Variants in ROR1 observed in about 807,000 individuals in gnomAD.
ROR1 encodes the protein ROR family WNT receptor 1.
ROR1 carries 19 observed loss-of-function variants against 78.8 expected under a neutral mutation model. The ratio of observed to expected loss-of-function variants is 0.24; its 90% CI spans 0.17 to 0.35. ROR1 has a LOEUF of 0.35. ROR1 is among the 10% of genes least tolerant of loss of function. ROR1 has a pLI of 1.00. For missense variants in ROR1, 917 were observed against 1,177.8 expected (o/e 0.78, Z 3.24); for synonymous variants, 386 against 433.6 (o/e 0.89, Z 1.36).
chr1:64,151,156 T>C (rs79897472), intron 7 of ROR1, among the ~76,000 whole-genome samples: 2,167 of 152,282 alleles, frequency 0.014, 58 homozygotes, highest in African/African-American at 0.05. Flanking sequence ...GGAGAAACCA[T>C]TAAGGAAAGG....
chr1:64,000,696 T>C (rs1646375648), intron 1 of ROR1, among the ~76,000 whole-genome samples: 2 of 152,198 alleles, frequency 1.3e-5, no homozygotes, highest in Admixed American at 6.5e-5. Context: ...CTGAGTTATT[T>C]GCACTTCCTC....
intron 8 of ROR1, among the ~76,000 whole-genome samples, chr1:64,172,695 G>A (rs1167020775): frequency 6.6e-6 from 1 of 152,044 alleles, no homozygotes; most frequent in East Asian, 1.9e-4. Context: ...ACAAATACTT[G>A]TCAAACAAAA....
At chr1:64,043,188 C>G (rs1295263371) in intron 2 of ROR1, among the ~76,000 whole-genome samples, 3 of 152,200 alleles carry the variant, frequency 2.0e-5, no homozygotes, top group African/African-American at 4.8e-5. Flanking sequence ...GATGGGGGCA[C>G]TTTGAAAATT....
intron 4 of ROR1, chr1:64,106,242 A>G (rs1199971188): frequency 2.0e-5 from 3 of 152,160 alleles, no homozygotes; most frequent in Non-Finnish European, 4.4e-5. Flanking sequence ...GACTTCATTC[A>G]TGATTTGGCT....
intron 1 of ROR1, among the ~76,000 whole-genome samples, chr1:63,968,928 C>T (rs1244459062): frequency 1.3e-5 from 2 of 152,182 alleles, no homozygotes; most frequent in African/African-American, 4.8e-5. Flanking sequence ...AATTTAATTT[C>T]CCACTAAGTG....
chr1:64,122,336 T>C (rs1648571555), intron 4 of ROR1, among the ~76,000 whole-genome samples: 1 of 152,218 alleles, frequency 6.6e-6, no homozygotes, highest in Non-Finnish European at 1.5e-5. Flanking sequence ...CCTCTTGACT[T>C]CAGCTTTCTG....
chr1:64,052,538 C>T (rs1646841262), intron 4 of ROR1, among the ~76,000 whole-genome samples: 1 of 152,138 alleles, frequency 6.6e-6, no homozygotes, highest in African/African-American at 2.4e-5. Flanking sequence ...GTCTAGGTCT[C>T]TCGTGGTTTT....
At chr1:63,835,952 T>C (rs905584875) in intron 1 of ROR1, among the ~76,000 whole-genome samples, 2 of 152,238 alleles carry the variant, frequency 1.3e-5, no homozygotes, top group African/African-American at 2.4e-5. Context: ...AACTTTAATT[T>C]GTGTAGTGAC....
rs1163437973 is a variant in ROR1 at position 64,101,571 on chromosome 1, G to A, written c.483-35798G>A. 1.3e-5 allele frequency among the ~76,000 whole-genome samples: 2 copies of A among 152,142 alleles called. 1 individual carries two copies. The highest frequency in any genetic ancestry group is 1.3e-4 in the Admixed American group (2 of 15,264). On this transcript the variant is annotated intron_variant, in intron 4 of 8. Transcript: ENST00000371079. Reference sequence around the variant, plus strand: ...TACTGTGAGCCAGCTCCTGTTCTAAGAACGAAGGATATGACAGTGAAACAG... The same window carrying A: ...TACTGTGAGCCAGCTCCTGTTCTAAAAACGAAGGATATGACAGTGAAACAG...
intron 4 of ROR1, among the ~76,000 whole-genome samples, chr1:64,069,499 A>G (rs1646984598): frequency 6.7e-6 from 1 of 148,962 alleles, no homozygotes; most frequent in Non-Finnish European, 1.5e-5. Context: ...AGCAGACTAC[A>G]TTTCCTCTTG....
At chr1:64,047,300 G>A (rs536009133) in intron 2 of ROR1, among the ~76,000 whole-genome samples, 17 of 152,212 alleles carry the variant, frequency 1.1e-4, no homozygotes, top group Admixed American at 2.6e-4. Flanking sequence ...ACATTTTTGA[G>A]TGCTTACTTT....
At chr1:64,002,038 C>T (rs1030343109) in intron 1 of ROR1, among the ~76,000 whole-genome samples, 9 of 151,922 alleles carry the variant, frequency 5.9e-5, no homozygotes, top group Admixed American at 4.6e-4. Flanking sequence ...TATTGTTAAC[C>T]CCATCACGCT....
intron 4 of ROR1, among the ~76,000 whole-genome samples, chr1:64,102,337 G>A (rs1306462579): frequency 1.3e-5 from 2 of 152,196 alleles, no homozygotes; most frequent in African/African-American, 4.8e-5. Context: ...CCCTGTCAGT[G>A]TGAGGCAAAG....
intron 2 of ROR1, among the ~76,000 whole-genome samples, chr1:64,024,057 T>G (rs1646587837): frequency 6.6e-6 from 1 of 152,218 alleles, no homozygotes; most frequent in Non-Finnish European, 1.5e-5. Flanking sequence ...TGCTTCTCCT[T>G]CACCTTCTGC....
At chr1:64,173,650 A>G (rs1650300919) in intron 8 of ROR1, among the ~76,000 whole-genome samples, 1 of 152,226 alleles carries the variant, frequency 6.6e-6, no homozygotes, top group Non-Finnish European at 1.5e-5. Context: ...TCTGTAAAAT[A>G]GCAAAATTAG....
chr1:64,172,691 A>G (rs1650274033), intron 8 of ROR1, among the ~76,000 whole-genome samples: 1 of 152,182 alleles, frequency 6.6e-6, no homozygotes. Flanking sequence ...TATGACAAAT[A>G]CTTGTCAAAC....
At chr1:63,884,840 GT>G (rs1161566027) in intron 1 of ROR1, among the ~76,000 whole-genome samples, 28 of 145,774 alleles carry the variant, frequency 1.9e-4, no homozygotes, top group South Asian at 8.7e-4. Context: ...GTTATGGTGT[GT>G]TTTTTTTTTT....
chr1:64,151,825 G>A (rs1357441303), intron 7 of ROR1, among the ~76,000 whole-genome samples: 4 of 151,140 alleles, frequency 2.6e-5, no homozygotes, highest in Non-Finnish European at 2.9e-5. Context: ...GGAGGTTACA[G>A]CGAGCTGAGA....
intron 4 of ROR1, among the ~76,000 whole-genome samples, chr1:64,087,289 A>C (rs1647162702): frequency 6.6e-6 from 1 of 152,248 alleles, no homozygotes; most frequent in Non-Finnish European, 1.5e-5. Context: ...GACAAATCAG[A>C]GATTGACTAG....
Sources: gnomAD v4.1 joint callset for allele counts (sites outside exome capture counted in the v4.1 genomes callset) on GRCh38, gnomAD v4.1.1 for gene constraint, MANE v1.5 for transcripts, NCBI Gene and HGNC (gene_info 2026-07-23, HGNC 2026-07-21) for gene names.